Variants in DDHD2 observed in about 807,000 individuals in gnomAD.
DDHD2 encodes the protein triacylglycerol hydrolase DDHD2.
A neutral mutation model predicts 91.2 loss-of-function variants in DDHD2; 62 were observed. The observed-to-expected ratio is 0.68, with a 90% confidence interval of 0.55 to 0.84. DDHD2 has a LOEUF of 0.84. DDHD2 is among the 40% of genes least tolerant of loss of function. The probability of loss-of-function intolerance (pLI) is 0.00; values close to 1 mark genes in which losing one functional copy is unlikely to be tolerated. For missense variants in DDHD2, 740 were observed against 846.9 expected, an observed-to-expected ratio of 0.87 and a Z score of 1.57; for synonymous variants, 271 against 293.9, an observed-to-expected ratio of 0.92 and a Z score of 0.80.
chr8:38,246,228 T>G lies in DDHD2; in HGVS notation c.1058-5T>G, dbSNP rs1414425394. 1 of 1,593,952 alleles carries G rather than the reference T, an allele frequency of 6.3e-7. No individual in the cohort carries two copies. ...AAATTGTCCCTTCTTCTATTTTACT[T>G]ATAGGTTCGCTTATATTGTTTGATA... On this transcript the variant is annotated splice_region_variant and splice_polypyrimidine_tract_variant and intron_variant, in intron 8 of 17. Coordinates refer to ENST00000397166, the MANE Select transcript of DDHD2 (RefSeq NM_015214.3).
At chr8:38,271,401 C>T (rs1166344715), downstream of DDHD2, 1 of 151,976 alleles carries the variant, frequency 6.6e-6, no homozygotes, top group Non-Finnish European at 1.5e-5. Flanking sequence ...AACATTATCC[C>T]CCCCCTTACC....
downstream of DDHD2, chr8:38,267,482 T>G: frequency 6.7e-7 from 1 of 1,490,174 alleles, no homozygotes; most frequent in South Asian, 1.3e-5. Context: ...TGTTAACTAT[T>G]GGTCAAATAG....
downstream of DDHD2, chr8:38,264,489 A>G (rs752034336): frequency 3.3e-5 from 52 of 1,553,832 alleles, no homozygotes; most frequent in East Asian, 1.0e-3. Flanking sequence ...GTGCAGTGGA[A>G]AGTACAAGTT....
At chr8:38,259,723 G>A (rs534278520) in intron 16 of DDHD2, among the ~76,000 whole-genome samples, 1 of 152,042 alleles carries the variant, frequency 6.6e-6, no homozygotes, top group East Asian at 1.9e-4. Context: ...GTTTCACCAT[G>A]TTGGCCAGGC....
chr8:38,249,683 G>C, intron 10 of DDHD2, 25 bp from the exon 11 acceptor site: 2 of 1,547,376 alleles, frequency 1.3e-6, no homozygotes, highest in Non-Finnish European at 1.8e-6. Flanking sequence ...CTAGAAATAA[G>C]AAAGACTTGA....
At chr8:38,232,922 C>CGT in intron 1 of DDHD2, 65 bp from the exon 2 acceptor site, 12 of 1,052,004 alleles carry the variant, frequency 1.1e-5, no homozygotes, top group East Asian at 2.5e-5. Flanking sequence ...TAGTTTTGTG[C>CGT]GTGTGTGTGT....
intron 13 of DDHD2, among the ~76,000 whole-genome samples, 158 bp from the exon 14 acceptor site, chr8:38,252,564 C>T (rs1438772312): frequency 6.6e-6 from 1 of 151,476 alleles, no homozygotes; most frequent in Non-Finnish European, 1.5e-5. Flanking sequence ...ATTGCTTGAG[C>T]CTAGGAGTTG....
intron 16 of DDHD2, among the ~76,000 whole-genome samples, chr8:38,256,876 A>G (rs1806549265): frequency 6.6e-6 from 1 of 152,194 alleles, no homozygotes; most frequent in South Asian, 2.1e-4. Flanking sequence ...TTACATCTCC[A>G]TCAGCAGTGT....
chr8:38,268,130 T>C, intron 1 of DDHD2: 1 of 1,419,488 alleles, frequency 7.0e-7, no homozygotes, highest in East Asian at 2.5e-5. Context: ...CGAGAACTTT[T>C]GTACTAGGCC....
chr8:38,262,177 A>T lies in DDHD2; in HGVS notation c.*1604A>T, dbSNP rs1465840664. 6.6e-6 allele frequency: 1 copy of T among 152,114 alleles called. No individual in the cohort carries two copies. The highest frequency in any genetic ancestry group is 1.9e-4 in the East Asian group (1 of 5,200). The allele number at this position is 152,114 out of a possible 1,614,324, so 9.4% of individuals were successfully genotyped here. On this transcript the variant is annotated 3_prime_UTR_variant, in exon 18 of 18. Coordinates refer to ENST00000397166, the MANE Select transcript of DDHD2 (RefSeq NM_015214.3). The stretch of plus-strand genomic sequence containing the variant: ...GATATATGGAATACTTTATTTTTTT[A>T]AAGGTATATAAACTCTGAGTTATTG...
chr8:38,269,329 C>T (rs1265856806), intron 1 of DDHD2: 4 of 986,606 alleles, frequency 4.1e-6, no homozygotes, highest in Non-Finnish European at 5.5e-6. Context: ...GACGGCCTGG[C>T]GGCTGTGCCG....
intron 16 of DDHD2, among the ~76,000 whole-genome samples, chr8:38,259,529 G>A (rs1426686035): frequency 6.6e-6 from 1 of 152,150 alleles, no homozygotes; most frequent in African/African-American, 2.4e-5. Flanking sequence ...GGGACTACAG[G>A]CGCATACCAC....
At chr8:38,252,094 G>C in intron 12 of DDHD2, 38 bp from the exon 13 acceptor site, 1 of 1,612,576 alleles carries the variant, frequency 6.2e-7, no homozygotes, top group Non-Finnish European at 8.5e-7. Context: ...TGTAACTTTT[G>C]TTATTAATGA....
Position 38,234,590 on chromosome 8 carries a change from C to G in DDHD2, c.411+6C>G. Reference sequence around the variant, plus strand: ...GCTTCAGCCAAGTTTTAGAGGTATTCTTTTGACTCTTTTTTTACTTATTCT... The same window carrying G: ...GCTTCAGCCAAGTTTTAGAGGTATTGTTTTGACTCTTTTTTTACTTATTCT... On this transcript the variant is annotated splice_donor_region_variant and intron_variant, in intron 3 of 17. Transcript: ENST00000397166. 1 of 1,576,354 alleles carries G rather than the reference C, an allele frequency of 6.3e-7. No homozygotes were observed. The highest frequency in any genetic ancestry group is 2.3e-5 in the East Asian group (1 of 43,866).
intron 1 of DDHD2, among the ~76,000 whole-genome samples, chr8:38,232,728 C>T (rs1804382909): frequency 6.6e-6 from 1 of 152,156 alleles, no homozygotes; most frequent in Admixed American, 6.5e-5. Context: ...TGTTTTATAA[C>T]TTATGGACTG....
intron 1 of DDHD2, chr8:38,270,358 ATC>A (rs1354167869): frequency 1.3e-5 from 2 of 152,226 alleles, no homozygotes; most frequent in South Asian, 2.1e-4. Context: ...GTCTGTAGGT[ATC>A]TGTGTTTGTT....
chr8:38,249,213 C>T (rs544758044), intron 10 of DDHD2, among the ~76,000 whole-genome samples: 3 of 151,738 alleles, frequency 2.0e-5, no homozygotes, highest in East Asian at 3.9e-4. Flanking sequence ...TCCGGGTTCA[C>T]GCCATTCTCC....
At chr8:38,238,286 T>C (rs1172724254) in intron 5 of DDHD2, 77 bp downstream of exon 5, 5 of 1,589,932 alleles carry the variant, frequency 3.1e-6, no homozygotes, top group Non-Finnish European at 4.3e-6. Flanking sequence ...TTTCTGTGGA[T>C]TTAGATTACC....
At chr8:38,237,758 T>C in intron 4 of DDHD2, 131 bp downstream of exon 4, 1 of 583,092 alleles carries the variant, frequency 1.7e-6, no homozygotes, top group Non-Finnish European at 2.9e-6. Flanking sequence ...TTCACAGTTA[T>C]GAAACTTAAA....
Sources: gnomAD v4.1 joint callset for allele counts (sites outside exome capture counted in the v4.1 genomes callset) on GRCh38, gnomAD v4.1.1 for gene constraint, MANE v1.5 for transcripts, NCBI Gene and HGNC (gene_info 2026-07-23, HGNC 2026-07-21) for gene names.